FAF2: variants seen among roughly 807,000 people sequenced by gnomAD.
FAF2 encodes Fas associated factor family member 2.
Under a neutral mutation model 62.3 loss-of-function variants are expected in FAF2, and 9 were observed. The ratio of observed to expected loss-of-function variants is 0.14; its 90% CI spans 0.09 to 0.25. The LOEUF is 0.25. Ranked by LOEUF, FAF2 falls within the 10% of genes least tolerant of loss-of-function variation. The probability of loss-of-function intolerance (pLI) is 1.00; values close to 1 mark genes in which losing one functional copy is unlikely to be tolerated. For missense variants in FAF2, 368 were observed against 556.2 expected (o/e 0.66, Z 3.40); for synonymous variants, 202 against 198.0 (o/e 1.02, Z -0.17).
At chr5:176,506,089 G>C (rs1237419720) in intron 10 of FAF2, among the ~76,000 whole-genome samples, 6 of 151,754 alleles carry the variant, frequency 4.0e-5, no homozygotes, top group Non-Finnish European at 8.8e-5. Context: ...TACTCAGGAG[G>C]CTGAGGCAGG....
At position 176,486,350 on chromosome 5, in the gene FAF2, C is replaced by T; in HGVS notation, c.133-5C>T. The stretch of plus-strand genomic sequence containing the variant: ...AAACTCTTGCCACTCCGTTTTCCTT[C>T]TCAGGCTGCTGTACAGGACAGATTG... On this transcript the variant is annotated splice_polypyrimidine_tract_variant and splice_region_variant and intron_variant, in intron 2 of 10. Transcript: ENST00000261942. The T allele has an allele frequency of 4.3e-6, 7 of 1,610,272 alleles. No individual in the cohort carries two copies. Among genetic ancestry groups the T allele is most frequent in the African/African-American group, 1.3e-5 (1 of 74,886 alleles).
chr5:176,468,208 T>C (rs1758506022), intron 1 of FAF2, among the ~76,000 whole-genome samples: 1 of 152,176 alleles, frequency 6.6e-6, no homozygotes, highest in Non-Finnish European at 1.5e-5. Flanking sequence ...AAAAGTTGAT[T>C]GTTAGACTGA....
chr5:176,451,799 CATAT>C (rs200877520), intron 1 of FAF2, among the ~76,000 whole-genome samples: 1 of 47,592 alleles, frequency 2.1e-5, no homozygotes, highest in Non-Finnish European at 3.6e-5. Context: ...TATATATATA[CATAT>C]ATATATACAC....
intron 7 of FAF2, among the ~76,000 whole-genome samples, chr5:176,495,404 T>C (rs973694451): frequency 3.9e-5 from 6 of 151,980 alleles, no homozygotes; most frequent in Admixed American, 3.3e-4. Flanking sequence ...AGAAGGAAGG[T>C]AAGGATTTTT....
intron 1 of FAF2, among the ~76,000 whole-genome samples, chr5:176,469,137 C>T (rs1347180920): frequency 1.3e-5 from 2 of 151,400 alleles, no homozygotes; most frequent in African/African-American, 4.9e-5. Flanking sequence ...CCCAGCTACT[C>T]GGGAGGCTGA....
intron 10 of FAF2, among the ~76,000 whole-genome samples, chr5:176,504,705 CTG>C (rs1417483629): frequency 6.6e-6 from 1 of 151,914 alleles, no homozygotes; most frequent in East Asian, 1.9e-4. Flanking sequence ...GAGAAGGAAA[CTG>C]AAAACGAGTT....
chr5:176,454,502 C>T (rs914466372), intron 1 of FAF2, among the ~76,000 whole-genome samples: 1 of 143,340 alleles, frequency 7.0e-6, no homozygotes, highest in African/African-American at 2.6e-5. Flanking sequence ...CACTTGAACT[C>T]AGGAGGTGGA....
intron 2 of FAF2, among the ~76,000 whole-genome samples, chr5:176,482,399 G>A (rs1269103080): frequency 2.0e-5 from 3 of 151,998 alleles, no homozygotes; most frequent in African/African-American, 7.3e-5. Flanking sequence ...TTTTAGTAGA[G>A]GCGAGGTTTC....
At chr5:176,477,871 A>G (rs1758730841) in intron 1 of FAF2, among the ~76,000 whole-genome samples, 1 of 152,208 alleles carries the variant, frequency 6.6e-6, no homozygotes, top group African/African-American at 2.4e-5. Context: ...ATCAGTCCAT[A>G]CTACTACATT....
chr5:176,460,161 C>T (rs1758353895), intron 1 of FAF2, among the ~76,000 whole-genome samples: 1 of 152,084 alleles, frequency 6.6e-6, no homozygotes, highest in South Asian at 2.1e-4. Flanking sequence ...GATTCCATGT[C>T]TTTGCTATCA....
At chr5:176,474,197 T>C (rs1391190392) in intron 1 of FAF2, among the ~76,000 whole-genome samples, 6 of 152,220 alleles carry the variant, frequency 3.9e-5, no homozygotes, top group African/African-American at 1.4e-4. Context: ...ATTCTATCCA[T>C]TACCACTCTA....
chr5:176,489,952 T>G (rs563536864), intron 4 of FAF2, among the ~76,000 whole-genome samples: 1 of 152,174 alleles, frequency 6.6e-6, no homozygotes, highest in Non-Finnish European at 1.5e-5. Context: ...TCTTCTAGCT[T>G]CCTTCATGTA....
rs1758751552 is a variant in FAF2 at position 176,479,263 on chromosome 5, T to C, written c.132+7T>C. The C allele has an allele frequency of 1.9e-6, 3 of 1,608,274 alleles. No homozygotes were observed. The East Asian group carries it at 6.7e-5, about 36-fold the overall frequency. On this transcript the variant is annotated splice_region_variant and intron_variant, in intron 2 of 10. Coordinates refer to ENST00000261942, the MANE Select transcript of FAF2 (RefSeq NM_014613.3). ...GCATAACTGGAACATAGAGGTATAA[T>C]AGGATGTGTTCTGAGCTTATTTCTT...
At chr5:176,496,434 G>A in intron 7 of FAF2, 52 bp from the exon 8 acceptor site, 1 of 1,429,882 alleles carries the variant, frequency 7.0e-7, no homozygotes, top group Non-Finnish European at 9.3e-7. Flanking sequence ...TCTAAGGGTT[G>A]ATCTTTTTCA....
chr5:176,456,048 A>G (rs1758272910), intron 1 of FAF2, among the ~76,000 whole-genome samples: 1 of 152,142 alleles, frequency 6.6e-6, no homozygotes, highest in Admixed American at 6.6e-5. Flanking sequence ...TCTGCATAGC[A>G]TAGGTAAGTA....
chr5:176,473,916 T>C (rs1187744725), intron 1 of FAF2, among the ~76,000 whole-genome samples: 1 of 152,202 alleles, frequency 6.6e-6, no homozygotes, highest in Non-Finnish European at 1.5e-5. Context: ...CTTTATCCTT[T>C]TGACCACAAG....
chr5:176,450,471 A>G (rs1015863729), intron 1 of FAF2, among the ~76,000 whole-genome samples: 2 of 152,204 alleles, frequency 1.3e-5, no homozygotes, highest in African/African-American at 4.8e-5. Context: ...ATTTAGTCTC[A>G]TACTGGAAGA....
At chr5:176,467,080 T>A (rs1758481021) in intron 1 of FAF2, among the ~76,000 whole-genome samples, 1 of 150,906 alleles carries the variant, frequency 6.6e-6, no homozygotes. Flanking sequence ...GGGATTTTTC[T>A]CAGTAAGACA....
At chr5:176,467,157 CACT>C (rs1181275166) in intron 1 of FAF2, among the ~76,000 whole-genome samples, 2 of 97,278 alleles carry the variant, frequency 2.1e-5, no homozygotes, top group East Asian at 6.0e-4. Flanking sequence ...TTTTTTTGGT[CACT>C]TGTCTGTCCC....
Sources: gnomAD v4.1 joint callset for allele counts (sites outside exome capture counted in the v4.1 genomes callset) on GRCh38, gnomAD v4.1.1 for gene constraint, MANE v1.5 for transcripts, NCBI Gene and HGNC (gene_info 2026-07-23, HGNC 2026-07-21) for gene names.